KLRF1: variants seen among roughly 807,000 people sequenced by gnomAD.
KLRF1 encodes the protein killer cell lectin-like receptor subfamily F member 1.
A neutral mutation model predicts 30.7 loss-of-function variants in KLRF1; 27 were observed. The observed-to-expected ratio is 0.88, with a 90% confidence interval of 0.65 to 1.21. KLRF1 has a LOEUF of 1.21. KLRF1 is among the 50% of genes most tolerant of loss of function. The pLI, the probability that KLRF1 is intolerant of heterozygous loss-of-function variation, is 0.00. For missense variants in KLRF1, 246 were observed against 259.3 expected, an observed-to-expected ratio of 0.95 and a Z score of 0.35; for synonymous variants, 92 against 89.3, an observed-to-expected ratio of 1.03 and a Z score of -0.17.
intron 3 of KLRF1, among the ~76,000 whole-genome samples, chr12:9,840,583 G>T (rs1867678520): frequency 2.0e-5 from 3 of 151,936 alleles, no homozygotes; most frequent in Non-Finnish European, 4.4e-5. Context: ...AAATAAAGAA[G>T]TTGAAAATAA....
At chr12:9,840,858 A>G (rs1867685006) in intron 3 of KLRF1, among the ~76,000 whole-genome samples, 1 of 152,154 alleles carries the variant, frequency 6.6e-6, no homozygotes, top group Admixed American at 6.6e-5. Context: ...GTGGAAGCGT[A>G]AATTTGTTCA....
At chr12:9,825,641 C>T (rs1867272002), upstream of KLRF1, among the ~76,000 whole-genome samples, 1 of 151,980 alleles carries the variant, frequency 6.6e-6, no homozygotes, top group Non-Finnish European at 1.5e-5. Context: ...GCAATTGCAA[C>T]AAAAGTGAAA....
At chr12:9,830,196 A>G (rs140373613) in intron 1 of KLRF1, among the ~76,000 whole-genome samples, 1 of 151,966 alleles carries the variant, frequency 6.6e-6, no homozygotes, top group African/African-American at 2.4e-5. Flanking sequence ...TGAGTAATGA[A>G]TTTCTTTCAT....
At chr12:9,838,502 G>A (rs1210451790) in intron 3 of KLRF1, among the ~76,000 whole-genome samples, 1 of 152,100 alleles carries the variant, frequency 6.6e-6, no homozygotes, top group Non-Finnish European at 1.5e-5. Flanking sequence ...TTCTCAGTCA[G>A]CACGTGATCT....
chr12:9,816,733 C>CT, the KLRF1 span, among the ~76,000 whole-genome samples: 1,542 of 132,806 alleles, frequency 0.012, 18 homozygotes, highest in South Asian at 0.04. Flanking sequence ...GCATTCTCTT[C>CT]TTTTTTTTTT....
chr12:9,821,672 C>A, the KLRF1 span, among the ~76,000 whole-genome samples: 1 of 152,218 alleles, frequency 6.6e-6, no homozygotes, highest in East Asian at 1.9e-4. Context: ...GAAACATAAA[C>A]ACTGAGATCA....
At chr12:9,821,583 G>T in the KLRF1 span, among the ~76,000 whole-genome samples, 2 of 152,000 alleles carry the variant, frequency 1.3e-5, 1 homozygote, top group African/African-American at 4.8e-5. Flanking sequence ...CTGGGGTAGA[G>T]CCCCTAGGAG....
the KLRF1 span, among the ~76,000 whole-genome samples, chr12:9,800,656 T>A: frequency 3.9e-5 from 6 of 152,038 alleles, no homozygotes; most frequent in African/African-American, 1.4e-4. Context: ...TCCATTTGTA[T>A]ATCTTCTTAA....
At chr12:9,824,787 A>T (rs1867262691), upstream of KLRF1, among the ~76,000 whole-genome samples, 1 of 152,144 alleles carries the variant, frequency 6.6e-6, no homozygotes, top group Admixed American at 6.5e-5. Context: ...CAAAATCAAC[A>T]TACAAAAATC....
At chr12:9,805,096 T>C in the KLRF1 span, among the ~76,000 whole-genome samples, 47 of 152,126 alleles carry the variant, frequency 3.1e-4, 1 homozygote, top group African/African-American at 1.1e-3. Flanking sequence ...TAACATAGTA[T>C]TATATTATTA....
intron 3 of KLRF1, among the ~76,000 whole-genome samples, chr12:9,838,476 A>G (rs773714063): frequency 1.3e-5 from 2 of 151,852 alleles, no homozygotes; most frequent in South Asian, 4.1e-4. Context: ...TCCTTTGTTC[A>G]TCCTTGAAAT....
At position 9,844,613 on chromosome 12, in the gene KLRF1, T is replaced by A; in HGVS notation, c.*87T>A. ...ATATTAATCTCCAGGTGTAAGATTT[T>A]AAAGTGCAATTAAATGCCAAAATCT... On this transcript the variant is annotated 3_prime_UTR_variant, in exon 6 of 6. Transcript: ENST00000617889. The A allele has an allele frequency of 1.4e-6, 1 of 707,648 alleles. No individual in the cohort carries two copies. The highest frequency in any genetic ancestry group is 2.4e-6 in the Non-Finnish European group (1 of 413,104). The allele number at this position is 707,648 out of a possible 1,614,324, so 43.8% of individuals were successfully genotyped here.
chr12:9,824,164 CA>C (rs142001485), upstream of KLRF1, among the ~76,000 whole-genome samples: 3,510 of 151,572 alleles, frequency 0.023, 126 homozygotes, highest in African/African-American at 0.08. Context: ...AGAAGCACAA[CA>C]AAAAAAAGAA....
chr12:9,834,757 G>C (rs760283545), intron 3 of KLRF1, among the ~76,000 whole-genome samples: 155 of 152,172 alleles, frequency 1.0e-3, no homozygotes, highest in African/African-American at 3.5e-3. Flanking sequence ...TGCTTGGTTG[G>C]CAAGTTTTTG....
upstream of KLRF1, among the ~76,000 whole-genome samples, chr12:9,823,412 C>T (rs73240926): frequency 4.2e-3 from 644 of 152,164 alleles, 5 homozygotes; most frequent in African/African-American, 0.015. Context: ...GAAATTAAGG[C>T]AGACATCGAA....
chr12:9,817,594 C>T, the KLRF1 span: 11 of 303,364 alleles, frequency 3.6e-5, no homozygotes, highest in Admixed American at 2.6e-4. Context: ...TTGGCCACAC[C>T]GGGTTTCTTC....
chr12:9,826,170 G>A (rs114002147), upstream of KLRF1, among the ~76,000 whole-genome samples: 267 of 152,100 alleles, frequency 1.8e-3, no homozygotes, highest in African/African-American at 6.2e-3. Flanking sequence ...TGTTACATAG[G>A]TAAACTTGTG....
intron 3 of KLRF1, among the ~76,000 whole-genome samples, chr12:9,836,766 T>C (rs1461429153): frequency 5.3e-5 from 8 of 152,146 alleles, no homozygotes; most frequent in Non-Finnish European, 1.0e-4. Context: ...ATAGATATTG[T>C]AGCTTTACCT....
chr12:9,809,122 A>G, the KLRF1 span, among the ~76,000 whole-genome samples: 1 of 152,160 alleles, frequency 6.6e-6, no homozygotes, highest in Non-Finnish European at 1.5e-5. Context: ...GTTTAGCGAG[A>G]TGAATTTTTT....
Sources: gnomAD v4.1 joint callset for allele counts (sites outside exome capture counted in the v4.1 genomes callset) on GRCh38, gnomAD v4.1.1 for gene constraint, MANE v1.5 for transcripts, NCBI Gene and HGNC (gene_info 2026-07-23, HGNC 2026-07-21) for gene names.